Variants in LARGE1 observed in about 807,000 individuals in gnomAD.
LARGE1 encodes the protein xylosyl- and glucuronyltransferase LARGE1.
Under a neutral mutation model 87.6 loss-of-function variants are expected in LARGE1, and 43 were observed. The ratio of observed to expected loss-of-function variants is 0.49; its 90% confidence interval spans 0.38 to 0.63. LARGE1 has a LOEUF of 0.63. LARGE1 is among the 30% of genes least tolerant of loss of function. The probability of loss-of-function intolerance (pLI) is 0.00; values close to 1 mark genes in which losing one functional copy is unlikely to be tolerated. For missense variants in LARGE1, 802 were observed against 1,000.2 expected, an observed-to-expected ratio of 0.80 and a Z score of 2.67; for synonymous variants, 434 against 394.6, an observed-to-expected ratio of 1.10 and a Z score of -1.18.
chr22:33,784,892 T>C (rs564741283), intron 1 of LARGE1, among the ~76,000 whole-genome samples: 39 of 143,904 alleles, frequency 2.7e-4, no homozygotes, highest in Admixed American at 9.0e-4. Context: ...TTGTACAGTA[T>C]ATATACTGTA....
chr22:33,129,300 C>T, the LARGE1 span, among the ~76,000 whole-genome samples: 2 of 152,016 alleles, frequency 1.3e-5, no homozygotes, highest in African/African-American at 4.8e-5. Flanking sequence ...GATGAAGAAT[C>T]AGGTTTTTAT....
At chr22:33,748,155 C>T (rs1363916532) in intron 2 of LARGE1, among the ~76,000 whole-genome samples, 1 of 124,742 alleles carries the variant, frequency 8.0e-6, no homozygotes, top group Admixed American at 8.3e-5. Context: ...TTTTTTTAGA[C>T]AGAGTCTCAG....
upstream of LARGE1, among the ~76,000 whole-genome samples, chr22:33,921,563 C>G (rs1438795425): frequency 6.6e-6 from 1 of 152,128 alleles, no homozygotes; most frequent in Non-Finnish European, 1.5e-5. The surrounding 1 kb of genome is among the most constrained non-coding windows in gnomAD (Gnocchi z 4.1). Context: ...GTGAGGAGCC[C>G]CGCCGAAGGG....
intron 7 of LARGE1, among the ~76,000 whole-genome samples, chr22:33,398,473 T>C (rs553440570): frequency 4.6e-5 from 7 of 152,346 alleles, no homozygotes; most frequent in African/African-American, 1.7e-4. Flanking sequence ...CCTTAGTCTG[T>C]TTAGACTCAC....
rs548652122 is a variant in LARGE1, at chr22:33,641,879, A to C, written c.408+8488T>G. 3.0e-3 allele frequency among the ~76,000 whole-genome samples: 462 copies of C among 152,354 alleles called. 2 individuals carry two copies. The highest frequency in any genetic ancestry group is 0.011 in the African/African-American group (443 of 41,600). On this transcript the variant is annotated intron_variant, in intron 3 of 14. Coordinates refer to ENST00000397394, the MANE Select transcript of LARGE1 (RefSeq NM_133642.5). ...CAAAGCCTCCAAGAAATATGGGACT[A>C]TGTGAAAAGAACAAACCTACATTTT... is the stretch of plus-strand genomic sequence containing the variant.
At position 33,608,072 on chromosome 22, in the gene LARGE1, C is replaced by G. The variant is rs550058018; in HGVS notation, c.492-3514G>C. On this transcript the variant is annotated intron_variant, in intron 4 of 14. Transcript: ENST00000397394. ...AGTCAGAGGCAGCAGGACAAAGTCA[C>G]CAGGGAGACAGACGGTCCATTTGGC... Among the ~76,000 whole-genome samples the G allele has an allele frequency of 7.2e-5, 11 of 152,266 alleles. No individual in the cohort carries two copies. In the East Asian group the frequency reaches 1.2e-3, roughly 16 times the overall value.
chr22:33,246,751 G>A (rs774166761), intron 11 of LARGE1, among the ~76,000 whole-genome samples: 2 of 152,222 alleles, frequency 1.3e-5, no homozygotes, highest in Non-Finnish European at 2.9e-5. Context: ...GATAGGCGGA[G>A]TATGAATCAA....
the LARGE1 span, among the ~76,000 whole-genome samples, chr22:33,079,977 C>T: frequency 6.6e-6 from 1 of 152,160 alleles, no homozygotes; most frequent in Non-Finnish European, 1.5e-5. Context: ...AGGAACTTGT[C>T]CTCATTGCCT....
intron 6 of LARGE1, among the ~76,000 whole-genome samples, chr22:33,532,252 C>T (rs1304397095): frequency 6.6e-6 from 1 of 152,216 alleles, no homozygotes; most frequent in African/African-American, 2.4e-5. Context: ...TTTATTTCCT[C>T]CCCACCTAAA....
chr22:33,493,205 G>C (rs986424615), intron 6 of LARGE1, among the ~76,000 whole-genome samples: 10 of 142,122 alleles, frequency 7.0e-5, no homozygotes, highest in Non-Finnish European at 1.5e-4. Context: ...CTGTCGCCCA[G>C]GCTGGAGTGC....
chr22:33,263,043 C>A (rs925533809), intron 11 of LARGE1, among the ~76,000 whole-genome samples: 1 of 151,992 alleles, frequency 6.6e-6, no homozygotes, highest in African/African-American at 2.4e-5. Context: ...CAGGCACGCA[C>A]CACCATGCCC....
At position 33,564,833 on chromosome 22, in the gene LARGE1, AT is replaced by A. The variant is rs757463406; in HGVS notation, c.787+14del. 2.5e-5 allele frequency: 40 copies of A among 1,614,080 alleles called. No homozygotes were observed. In the East Asian group the frequency reaches 3.3e-4, roughly 13 times the overall value. On this transcript the variant is annotated intron_variant, in intron 6 of 14. Transcript: ENST00000397394. Reference sequence around the variant, plus strand: ...TACAAGGATATCGGGGAAAAAACGAATGGGCTACCATTACCTTTGAACTTGT... The same window carrying A: ...TACAAGGATATCGGGGAAAAAACGAAGGGCTACCATTACCTTTGAACTTGT...
At chr22:33,703,748 A>C (rs911569280) in intron 2 of LARGE1, among the ~76,000 whole-genome samples, 1 of 152,238 alleles carries the variant, frequency 6.6e-6, no homozygotes, top group Non-Finnish European at 1.5e-5. Context: ...TTCCAGAAGA[A>C]AACAGCCCTG....
intron 1 of LARGE1, among the ~76,000 whole-genome samples, chr22:33,806,553 G>A (rs557117067): frequency 7.2e-5 from 11 of 152,172 alleles, no homozygotes; most frequent in Non-Finnish European, 1.5e-4. Context: ...TACCTGCAAT[G>A]TGACATCTCC....
chr22:33,675,348 G>T (rs1232942864), intron 2 of LARGE1, among the ~76,000 whole-genome samples: 1 of 140,490 alleles, frequency 7.1e-6, no homozygotes, highest in Non-Finnish European at 1.5e-5. Flanking sequence ...GACCAAGACT[G>T]GTTCAGGAAA....
chr22:33,598,991 G>A (rs1381386657), intron 5 of LARGE1, among the ~76,000 whole-genome samples: 2 of 152,202 alleles, frequency 1.3e-5, no homozygotes, highest in Non-Finnish European at 2.9e-5. Context: ...TTAAACAACA[G>A]ATGTTAGACC....
chr22:33,664,817 C>G (rs2081221344), intron 2 of LARGE1, among the ~76,000 whole-genome samples: 1 of 152,156 alleles, frequency 6.6e-6, no homozygotes, highest in African/African-American at 2.4e-5. Context: ...CAAGACTGCG[C>G]CACTGCACTC....
Position 33,317,070 on chromosome 22 carries a change from C to T in LARGE1, c.1288-822G>A, listed in dbSNP as rs532085961. On this transcript the variant is annotated intron_variant, in intron 10 of 14. Transcript: ENST00000397394. Reference sequence around the variant, plus strand: ...CTCCACAAAAAATACAAAAATTAGCCGGGCATGGTGGCGGACACCTGTAAT... The same window carrying T: ...CTCCACAAAAAATACAAAAATTAGCTGGGCATGGTGGCGGACACCTGTAAT... Among the ~76,000 whole-genome samples, 28 of 151,924 alleles carry T rather than the reference C, an allele frequency of 1.8e-4. No individual in the cohort carries two copies. The South Asian group carries it at 5.2e-3, about 28-fold the overall frequency.
At chr22:33,197,263 G>A (rs1046786799) in intron 11 of LARGE1, among the ~76,000 whole-genome samples, 3 of 152,016 alleles carry the variant, frequency 2.0e-5, no homozygotes, top group African/African-American at 7.2e-5. Context: ...ACTTGTATTC[G>A]ATTTTGTATA....
Sources: allele counts gnomAD v4.1 joint callset (sites outside exome capture counted in the v4.1 genomes callset), GRCh38; gene constraint gnomAD v4.1.1; non-coding constraint Gnocchi (gnomAD v3.1); transcripts MANE v1.5; gene names NCBI Gene and HGNC (gene_info 2026-07-23, HGNC 2026-07-21).